MKLN1: variants seen among roughly 807,000 people sequenced by gnomAD.
MKLN1 encodes muskelin 1, also known as muskelin.
A neutral mutation model predicts 99.0 loss-of-function variants in MKLN1; 18 were observed. That is an observed-to-expected ratio of 0.18 (90% confidence interval 0.13 to 0.27). The LOEUF is 0.27. MKLN1 is among the 10% of genes least tolerant of loss of function. MKLN1 has a pLI of 1.00. For missense variants in MKLN1, 621 were observed against 875.9 expected, an observed-to-expected ratio of 0.71 and a Z score of 3.67; for synonymous variants, 288 against 293.2, an observed-to-expected ratio of 0.98 and a Z score of 0.18.
At chr7:131,370,595 T>C (rs1800319184) in intron 1 of MKLN1, among the ~76,000 whole-genome samples, 1 of 152,146 alleles carries the variant, frequency 6.6e-6, no homozygotes, top group Admixed American at 6.5e-5. Flanking sequence ...GCAATGCTTG[T>C]CTTATGGGTT....
In MKLN1 at chr7:131,409,428, T is replaced by C. The variant is rs1297285778; in HGVS notation, c.704-1878T>C. ...TGCATTTTTTTAACCTTTACCCTGC[T>C]TTAGTATTTGCAGTATTTACTGACT... On this transcript the variant is annotated intron_variant, in intron 6 of 17. Coordinates refer to ENST00000352689, the MANE Select transcript of MKLN1 (RefSeq NM_013255.5). 2.0e-5 allele frequency among the ~76,000 whole-genome samples: 3 copies of C among 152,200 alleles called. No individual in the cohort carries two copies. In the East Asian group the frequency reaches 5.8e-4, roughly 29 times the overall value.
intron 6 of MKLN1, among the ~76,000 whole-genome samples, chr7:131,406,864 T>A (rs1448486375): frequency 6.6e-6 from 1 of 152,108 alleles, no homozygotes; most frequent in Non-Finnish European, 1.5e-5. Context: ...TGCCATTTTT[T>A]AATATAATCT....
intron 1 of MKLN1, among the ~76,000 whole-genome samples, chr7:131,343,737 T>C (rs1799475696): frequency 6.6e-6 from 1 of 152,124 alleles, no homozygotes; most frequent in Non-Finnish European, 1.5e-5. Flanking sequence ...AATGAAGATA[T>C]CTTGATTTTT....
At chr7:131,472,907 C>T (rs957683095) in intron 16 of MKLN1, among the ~76,000 whole-genome samples, 1 of 147,808 alleles carries the variant, frequency 6.8e-6, no homozygotes, top group Admixed American at 6.8e-5. Flanking sequence ...GAGATCGTGC[C>T]ACTGCACTGC....
intron 2 of MKLN1, among the ~76,000 whole-genome samples, chr7:131,376,483 AAT>A (rs778987007): frequency 7.2e-4 from 109 of 151,544 alleles, no homozygotes; most frequent in Non-Finnish European, 1.4e-3. Context: ...CTCCACTAAA[AAT>A]ACAAAAATTA....
intron 2 of MKLN1, among the ~76,000 whole-genome samples, chr7:131,175,103 G>GGATGGATGGATGGGTGGATA (rs1291351325): frequency 6.6e-6 from 1 of 151,716 alleles, no homozygotes; most frequent in Admixed American, 6.6e-5. Flanking sequence ...TAGGGTGGGT[G>GGATGGATGGATGGGTGGATA]GATGGATGGA....
chr7:131,369,944 C>T (rs1041433242), intron 1 of MKLN1, among the ~76,000 whole-genome samples: 7 of 152,140 alleles, frequency 4.6e-5, no homozygotes, highest in African/African-American at 1.7e-4. Flanking sequence ...TCAAGCAATT[C>T]TCCTGCCTCA....
chr7:131,340,275 CTTTTTTTTTT>C (rs398006316), intron 1 of MKLN1, among the ~76,000 whole-genome samples: 1 of 85,050 alleles, frequency 1.2e-5, no homozygotes, highest in Non-Finnish European at 2.1e-5. Flanking sequence ...GTAATTACGG[CTTTTTTTTTT>C]TTTTTTTTTT....
At chr7:131,110,125 A>C (rs1795168265), upstream of MKLN1, 1 of 233,300 alleles carries the variant, frequency 4.3e-6, no homozygotes, top group Admixed American at 6.0e-5. Context: ...GAAGGGCTAG[A>C]GGCAAACACC....
chr7:131,478,804 G>A, intron 17 of MKLN1, 127 bp downstream of exon 17: 1 of 1,158,376 alleles, frequency 8.6e-7, no homozygotes, highest in Non-Finnish European at 1.3e-6. Flanking sequence ...GAAGTTTCAA[G>A]GTATCATGCA....
At chr7:131,313,235 G>T (rs189077603) in intron 3 of MKLN1, among the ~76,000 whole-genome samples, 1 of 152,116 alleles carries the variant, frequency 6.6e-6, no homozygotes. Flanking sequence ...ATTTGGGTTG[G>T]TTATATTATT....
intron 3 of MKLN1, among the ~76,000 whole-genome samples, chr7:131,258,009 T>A (rs1797681472): frequency 6.6e-6 from 1 of 151,520 alleles, no homozygotes; most frequent in South Asian, 2.1e-4. Flanking sequence ...TCGTCCCAGC[T>A]ACTTGGGAGG....
chr7:131,228,720 C>G (rs922880045), intron 3 of MKLN1, among the ~76,000 whole-genome samples: 2 of 152,210 alleles, frequency 1.3e-5, no homozygotes, highest in Admixed American at 6.5e-5. Flanking sequence ...TGTTGAAACA[C>G]TGTACTCTGG....
intron 1 of MKLN1, among the ~76,000 whole-genome samples, chr7:131,121,638 C>CAAAAAAAAAAAAAAAAAAAAAA (rs55908773): frequency 5.5e-5 from 4 of 72,802 alleles, no homozygotes; most frequent in Non-Finnish European, 7.9e-5. Context: ...GACTCCGTCT[C>CAAAAAAAAAAAAAAAAAAAAAA]AAAAAAAAAA....
At chr7:131,358,798 G>A (rs1799949930) in intron 1 of MKLN1, among the ~76,000 whole-genome samples, 1 of 152,054 alleles carries the variant, frequency 6.6e-6, no homozygotes. Flanking sequence ...TATGTTATCA[G>A]TTTTATGGGA....
chr7:131,137,790 G>A (rs1252468686), intron 1 of MKLN1, among the ~76,000 whole-genome samples: 1 of 152,034 alleles, frequency 6.6e-6, no homozygotes, highest in Non-Finnish European at 1.5e-5. Context: ...GGCCAGGCTG[G>A]TCTTGAACTC....
intron 2 of MKLN1, among the ~76,000 whole-genome samples, chr7:131,146,214 C>T (rs542337041): frequency 7.9e-5 from 12 of 152,180 alleles, no homozygotes; most frequent in East Asian, 1.9e-4. Flanking sequence ...TGGTGGTACA[C>T]GCTTATAGTC....
chr7:131,179,577 T>TA (rs202162183), intron 2 of MKLN1, among the ~76,000 whole-genome samples: 1 of 151,660 alleles, frequency 6.6e-6, no homozygotes, highest in African/African-American at 2.4e-5. Context: ...TTATTATTAT[T>TA]TTGTTGTTGT....
At chr7:131,308,043 T>C (rs1026063113) in intron 3 of MKLN1, among the ~76,000 whole-genome samples, 4 of 152,194 alleles carry the variant, frequency 2.6e-5, no homozygotes, top group Non-Finnish European at 4.4e-5. Flanking sequence ...ATTTCCCCCA[T>C]GCTCTTCTCA....
Sources: gnomAD v4.1 joint callset for allele counts (sites outside exome capture counted in the v4.1 genomes callset) on GRCh38, gnomAD v4.1.1 for gene constraint, MANE v1.5 for transcripts, NCBI Gene and HGNC (gene_info 2026-07-23, HGNC 2026-07-21) for gene names.